The following SLC35F4 variants were observed in gnomAD, a reference collection of about 807,000 sequenced individuals.
SLC35F4 encodes the protein chromosome 14 open reading frame 36.
Under a neutral mutation model 44.2 loss-of-function variants are expected in SLC35F4, and 24 were observed. The observed-to-expected ratio is 0.54, with a 90% CI of 0.39 to 0.76. SLC35F4 has a LOEUF of 0.76. Among genes scored for constraint, SLC35F4 ranks in the 30% least tolerant of loss-of-function variants. SLC35F4 has a pLI of 0.00. For synonymous variants in SLC35F4, 238 were observed against 223.6 expected, an observed-to-expected ratio of 1.06 and a Z score of -0.57; for missense variants, 562 against 586.1, an observed-to-expected ratio of 0.96 and a Z score of 0.42.
chr14:57,682,501 TA>T (rs2074938448), intron 1 of SLC35F4, among the ~76,000 whole-genome samples: 1 of 151,960 alleles, frequency 6.6e-6, no homozygotes, highest in Admixed American at 6.6e-5. Context: ...GGTAGGGGGC[TA>T]GGGGAGGGAT....
At chr14:57,698,061 A>G (rs1476139563) in intron 1 of SLC35F4, among the ~76,000 whole-genome samples, 1 of 152,212 alleles carries the variant, frequency 6.6e-6, no homozygotes, top group East Asian at 1.9e-4. Flanking sequence ...AAATGGGGAT[A>G]ATAATAACAG....
chr14:57,904,119 A>G (rs1373265395), intron 1 of SLC35F4, among the ~76,000 whole-genome samples: 1 of 152,260 alleles, frequency 6.6e-6, no homozygotes, highest in African/African-American at 2.4e-5. Context: ...ACTCTGCATC[A>G]ATTTGTCACA....
At chr14:57,974,077 C>A (rs1021347533), downstream of SLC35F4, among the ~76,000 whole-genome samples, 2 of 152,102 alleles carry the variant, frequency 1.3e-5, no homozygotes, top group Non-Finnish European at 2.9e-5. Flanking sequence ...AGGACTTAGA[C>A]GGGTGATTCT....
At chr14:57,607,682 G>C (rs769733018) in intron 1 of SLC35F4, among the ~76,000 whole-genome samples, 1 of 152,164 alleles carries the variant, frequency 6.6e-6, no homozygotes, top group African/African-American at 2.4e-5. Context: ...TGGAATCATC[G>C]GATTTGAGTT....
At chr14:57,594,991 G>T (rs77492110) in intron 1 of SLC35F4, among the ~76,000 whole-genome samples, 2,017 of 152,134 alleles carry the variant, frequency 0.013, 44 homozygotes, top group African/African-American at 0.046. Flanking sequence ...TCCAAATGAT[G>T]CATCTATCAA....
At chr14:57,768,166 A>C (rs1358906151) in intron 1 of SLC35F4, among the ~76,000 whole-genome samples, 2 of 152,204 alleles carry the variant, frequency 1.3e-5, no homozygotes, top group Non-Finnish European at 2.9e-5. Flanking sequence ...TGACACCAAC[A>C]CGAGATAAGA....
intron 2 of SLC35F4, among the ~76,000 whole-genome samples, chr14:57,592,322 T>A (rs2070241489): frequency 1.3e-5 from 2 of 152,250 alleles, no homozygotes; most frequent in Admixed American, 6.5e-5. Flanking sequence ...TCATAGGATT[T>A]ATTTTGAGAT....
intron 1 of SLC35F4, among the ~76,000 whole-genome samples, chr14:57,950,379 G>A (rs1024473256): frequency 3.3e-5 from 5 of 151,878 alleles, no homozygotes; most frequent in Non-Finnish European, 5.9e-5. Flanking sequence ...CAGAAGCTGT[G>A]ATTGTATTTT....
intron 1 of SLC35F4, among the ~76,000 whole-genome samples, chr14:57,888,596 A>C (rs771596883): frequency 1.1e-4 from 16 of 152,224 alleles, no homozygotes; most frequent in Admixed American, 5.2e-4. Context: ...CGTTATTATT[A>C]TCATTATTAC....
At chr14:57,856,376 C>T (rs767279304) in intron 1 of SLC35F4, among the ~76,000 whole-genome samples, 8 of 151,958 alleles carry the variant, frequency 5.3e-5, no homozygotes, top group Non-Finnish European at 1.2e-4. Flanking sequence ...CTTTCTGTTG[C>T]CAAAGTTTGT....
chr14:57,738,920 TAGG>T (rs935447772), intron 1 of SLC35F4, among the ~76,000 whole-genome samples: 1 of 151,446 alleles, frequency 6.6e-6, no homozygotes, highest in Non-Finnish European at 1.5e-5. Context: ...AGGAGAAATC[TAGG>T]AGTTGTTCTG....
At chr14:57,586,060 C>A (rs1190309) in intron 3 of SLC35F4, among the ~76,000 whole-genome samples, 43,121 of 152,042 alleles carry the variant, frequency 0.28, 6,555 homozygotes, top group East Asian at 0.65. Flanking sequence ...AGGCATCACA[C>A]GACCTGACAT....
Position 57,589,520 on chromosome 14 carries a change from A to C in SLC35F4, c.290-7T>G. 1 of 1,593,802 alleles carries C rather than the reference A, an allele frequency of 6.3e-7. No individual in the cohort carries two copies. The highest frequency in any genetic ancestry group is 8.5e-7 in the Non-Finnish European group (1 of 1,171,778). ...GTCTGTGTCCCATCGTCTGCTGGAA[A>C]CAGGAAAGGAATACAAATGTGAGGA... On this transcript the variant is annotated splice_region_variant and splice_polypyrimidine_tract_variant and intron_variant, in intron 2 of 7. Coordinates refer to ENST00000556826, the MANE Select transcript of SLC35F4 (RefSeq NM_001306087.2).
chr14:57,973,115 T>C (rs916495153), downstream of SLC35F4, among the ~76,000 whole-genome samples: 2 of 152,194 alleles, frequency 1.3e-5, no homozygotes, highest in African/African-American at 4.8e-5. Flanking sequence ...ACTGTCCCCT[T>C]AGCCATCCAG....
At chr14:57,717,278 G>A (rs569198051) in intron 1 of SLC35F4, among the ~76,000 whole-genome samples, 17 of 152,062 alleles carry the variant, frequency 1.1e-4, no homozygotes, top group African/African-American at 3.9e-4. Context: ...TTAGTTTTTT[G>A]AGGATCCTCA....
At chr14:57,910,842 T>C (rs1425407981) in intron 1 of SLC35F4, among the ~76,000 whole-genome samples, 1 of 152,012 alleles carries the variant, frequency 6.6e-6, no homozygotes. Flanking sequence ...ATTGGGATTG[T>C]GTTGAATCTA....
In SLC35F4 at chr14:57,677,359, G is replaced by T. The variant is rs186352609; in HGVS notation, c.104-83235C>A. ...CAAAACCTCAGAAATGACCACTAAA[G>T]ACCTTATCCATGTAACCAAAAACCT... On this transcript the variant is annotated intron_variant, in intron 1 of 7. Transcript: ENST00000556826. 2.0e-5 allele frequency among the ~76,000 whole-genome samples: 3 copies of T among 151,378 alleles called. No homozygotes were observed. In the East Asian group the frequency reaches 5.8e-4, roughly 29 times the overall value.
Position 57,569,778 on chromosome 14 carries a change from G to C in SLC35F4, c.1126+10C>G. The C allele has an allele frequency of 6.3e-7, 1 of 1,578,170 alleles. No homozygotes were observed. The highest frequency in any genetic ancestry group is 8.6e-7 in the Non-Finnish European group (1 of 1,166,716). ...ATAGGGAATGGAAGGCAAAACCCGA[G>C]GCCACTTACCCAGCCACAGCCCTGC... On this transcript the variant is annotated intron_variant, in intron 6 of 7. Transcript: ENST00000556826.
intron 1 of SLC35F4, among the ~76,000 whole-genome samples, chr14:57,741,079 T>C (rs533094192): frequency 6.6e-6 from 1 of 152,184 alleles, no homozygotes; most frequent in Non-Finnish European, 1.5e-5. Context: ...ACCCCATCTG[T>C]ACATTACCAT....
Sources: allele counts gnomAD v4.1 joint callset (sites outside exome capture counted in the v4.1 genomes callset), GRCh38; gene constraint gnomAD v4.1.1; transcripts MANE v1.5; gene names NCBI Gene and HGNC (gene_info 2026-07-23, HGNC 2026-07-21).